Variants in PDE3A observed in about 807,000 individuals in gnomAD.
PDE3A encodes the protein phosphodiesterase 3A.
PDE3A carries 43 observed loss-of-function variants against 98.3 expected under a neutral mutation model. The ratio of observed to expected loss-of-function variants is 0.44; its 90% CI spans 0.34 to 0.56. The LOEUF is 0.56. Ranked by LOEUF, PDE3A falls within the 20% of genes least tolerant of loss-of-function variation. The pLI is 0.01. For missense variants in PDE3A, 1,427 were observed against 1,440.7 expected, an observed-to-expected ratio of 0.99 and a Z score of 0.15; for synonymous variants, 663 against 567.9, an observed-to-expected ratio of 1.17 and a Z score of -2.38.
intron 1 of PDE3A, among the ~76,000 whole-genome samples, chr12:20,520,819 G>A (rs1019060000): frequency 6.6e-6 from 1 of 152,168 alleles, no homozygotes; most frequent in Non-Finnish European, 1.5e-5. Flanking sequence ...GTTGTTCTGA[G>A]AAATACTAGC....
In PDE3A at chr12:20,369,524, G is replaced by A. The variant is rs1943417373; in HGVS notation, c.240G>A (p.Leu80=). The A allele has an allele frequency of 6.4e-7, 1 of 1,559,720 alleles. No individual in the cohort carries two copies. Among genetic ancestry groups the A allele is most frequent in the Non-Finnish European group, 8.7e-7 (1 of 1,151,920 alleles). ...TTCTGCTGGCGCTGCTGGTGAGGCT[G>A]GTCCGCGGGGAGGTCGGCTGTGACC... ...LSFLLALLVR[L]VRGEVGCDLE... Residue 80 remains leucine (L), a synonymous_variant, in exon 1 of 16, where the codon CTG becomes CTA. Transcript: ENST00000359062.
chr12:20,678,522 T>C (rs1026866528), intron 15 of PDE3A, among the ~76,000 whole-genome samples: 1 of 152,156 alleles, frequency 6.6e-6, no homozygotes, highest in East Asian at 1.9e-4. Flanking sequence ...GGAATGAGTA[T>C]ATACAAAAAG....
At chr12:20,573,009 G>A (rs915403449) in intron 2 of PDE3A, among the ~76,000 whole-genome samples, 1 of 151,986 alleles carries the variant, frequency 6.6e-6, no homozygotes, top group Non-Finnish European at 1.5e-5. Flanking sequence ...TTCCAAACTT[G>A]GGAGTTGGTT....
intron 1 of PDE3A, among the ~76,000 whole-genome samples, chr12:20,542,706 C>A (rs1347069558): frequency 1.3e-5 from 2 of 152,012 alleles, no homozygotes; most frequent in Non-Finnish European, 2.9e-5. Flanking sequence ...TTTGATGCAG[C>A]TGAGGCTATG....
rs74064915 is a variant in PDE3A, at chr12:20,504,882, A to G, written c.961-51778A>G. On this transcript the variant is annotated intron_variant, in intron 1 of 15. Transcript: ENST00000359062. Reference sequence around the variant, plus strand: ...TCAACATCCTTAATCGCATCTGCAAAGTAACTTTTGCCATGTACGATAACT... The same window carrying G: ...TCAACATCCTTAATCGCATCTGCAAGGTAACTTTTGCCATGTACGATAACT... Among the ~76,000 whole-genome samples the G allele has an allele frequency of 5.8e-3, 880 of 152,178 alleles. 9 individuals carry two copies. Among genetic ancestry groups the G allele is most frequent in the African/African-American group, 0.02 (836 of 41,534 alleles).
At position 20,613,594 on chromosome 12, in the gene PDE3A, A is replaced by G; in HGVS notation, c.1163A>G (p.Gln388Arg). 2 of 1,614,100 alleles carry G rather than the reference A, an allele frequency of 1.2e-6. No individual in the cohort carries two copies. The highest frequency in any genetic ancestry group is 4.5e-5 in the East Asian group (2 of 44,874). ...SNLLSTQLTF[Q>R]AIHKPRVNPV... ...TTGCTCAGCACACAGCTCACCTTCC[A>G]GGCCATTCACAAGCCCAGAGTGAAT... The change falls in exon 3 of 16, where the codon CAG becomes CGG. Residue 388 changes from glutamine to arginine, a missense_variant. By Grantham distance (43) the Gln-to-Arg change is conservative. This residue lies in a region of PDE3A where 1,012 missense variants were observed against 886.5 expected (regional missense o/e 1.14). Transcript: ENST00000359062.
intron 2 of PDE3A, among the ~76,000 whole-genome samples, chr12:20,565,325 A>T (rs531798841): frequency 1.9e-4 from 29 of 152,188 alleles, no homozygotes; most frequent in Admixed American, 5.9e-4. Context: ...AATAATTTTT[A>T]TCTCACGCTG....
At chr12:20,512,755 C>T (rs559012632) in intron 1 of PDE3A, among the ~76,000 whole-genome samples, 17 of 152,032 alleles carry the variant, frequency 1.1e-4, no homozygotes, top group Non-Finnish European at 1.6e-4. Flanking sequence ...AACTTCGTTA[C>T]GTTAGATAGT....
chr12:20,544,237 A>G (rs556313560), intron 1 of PDE3A, among the ~76,000 whole-genome samples: 35 of 150,876 alleles, frequency 2.3e-4, no homozygotes, highest in Admixed American at 1.7e-3. Flanking sequence ...TATTGAAAGA[A>G]TGCACACATG....
intron 1 of PDE3A, among the ~76,000 whole-genome samples, chr12:20,376,172 C>T (rs552447930): frequency 7.8e-4 from 119 of 151,916 alleles, no homozygotes; most frequent in African/African-American, 2.7e-3. Flanking sequence ...CTGTAAATAG[C>T]TGGTTGCACT....
chr12:20,509,536 G>A (rs1216009643), intron 1 of PDE3A, among the ~76,000 whole-genome samples: 1 of 151,830 alleles, frequency 6.6e-6, no homozygotes, highest in Non-Finnish European at 1.5e-5. Flanking sequence ...TTTTTTTTCA[G>A]TAAAAAACAG....
intron 1 of PDE3A, among the ~76,000 whole-genome samples, chr12:20,417,008 A>G (rs959516208): frequency 6.6e-6 from 1 of 152,202 alleles, no homozygotes; most frequent in Non-Finnish European, 1.5e-5. Flanking sequence ...AGAAATAGAA[A>G]TTTTATGAAT....
At chr12:20,387,111 T>C (rs1943826054) in intron 1 of PDE3A, among the ~76,000 whole-genome samples, 1 of 152,000 alleles carries the variant, frequency 6.6e-6, no homozygotes, top group African/African-American at 2.4e-5. Context: ...CTGAGTTCTG[T>C]ATTGGTTCCA....
At chr12:20,535,562 T>A (rs1941727935) in intron 1 of PDE3A, among the ~76,000 whole-genome samples, 1 of 152,148 alleles carries the variant, frequency 6.6e-6, no homozygotes, top group African/African-American at 2.4e-5. Context: ...TGAGGATTTT[T>A]AAAATAATGC....
intron 1 of PDE3A, among the ~76,000 whole-genome samples, chr12:20,421,935 CA>C (rs1207562244): frequency 2.6e-5 from 4 of 152,150 alleles, no homozygotes; most frequent in Non-Finnish European, 5.9e-5. Context: ...TTTTCTTTCC[CA>C]GGTAAATTGT....
intron 1 of PDE3A, among the ~76,000 whole-genome samples, chr12:20,419,288 C>A (rs2120746209): frequency 6.6e-6 from 1 of 151,764 alleles, no homozygotes; most frequent in South Asian, 2.1e-4. Context: ...TTTGCTTATA[C>A]CAGGTGAAAC....
intron 1 of PDE3A, among the ~76,000 whole-genome samples, chr12:20,553,491 GGCCCGTGGCA>G (rs1217864862): frequency 7.6e-6 from 1 of 131,210 alleles, no homozygotes; most frequent in Admixed American, 8.0e-5. Context: ...TCCCCGTGGT[GGCCCGTGGCA>G]GCCCGTGGCA....
At chr12:20,440,533 C>T (rs1459541040) in intron 1 of PDE3A, among the ~76,000 whole-genome samples, 1 of 152,088 alleles carries the variant, frequency 6.6e-6, no homozygotes, top group Non-Finnish European at 1.5e-5. Flanking sequence ...AAGTGCAATT[C>T]TATTCATATT....
rs555993205 is a variant in PDE3A at position 20,378,351 on chromosome 12, G to T, written c.960+8107G>T. On this transcript the variant is annotated intron_variant, in intron 1 of 15. Transcript: ENST00000359062. The stretch of plus-strand genomic sequence containing the variant: ...AGCCGTAATTCCAATTCTACATCAA[G>T]AAATAAAGAGAAAATTATATATGGC... Among the ~76,000 whole-genome samples, 5 of 151,530 alleles carry T rather than the reference G, an allele frequency of 3.3e-5. No homozygotes were observed. The South Asian group carries it at 1.0e-3, about 32-fold the overall frequency.
Sources: allele counts gnomAD v4.1 joint callset (sites outside exome capture counted in the v4.1 genomes callset), GRCh38; gene constraint gnomAD v4.1.1; regional missense constraint gnomAD v4.1.1; transcripts MANE v1.5; gene names NCBI Gene and HGNC (gene_info 2026-07-23, HGNC 2026-07-21).